The following ANKS1B variants were observed in gnomAD, a reference collection of about 807,000 sequenced individuals.
The protein encoded by ANKS1B is ankyrin repeat and sterile alpha motif domain containing 1B.
A neutral mutation model predicts 148.3 loss-of-function variants in ANKS1B; 36 were observed. The observed-to-expected ratio is 0.24, with a 90% CI of 0.19 to 0.32. The LOEUF (loss-of-function observed/expected upper bound fraction) is 0.32, where lower values mean the gene tolerates loss of function less well. Ranked by LOEUF, ANKS1B falls within the 10% of genes least tolerant of loss-of-function variation. The pLI is 1.00. For synonymous variants in ANKS1B, 542 were observed against 560.8 expected, an observed-to-expected ratio of 0.97 and a Z score of 0.47; for missense variants, 1,157 against 1,542.6, an observed-to-expected ratio of 0.75 and a Z score of 4.19.
intron 9 of ANKS1B, among the ~76,000 whole-genome samples, chr12:99,645,024 C>T (rs898871005): frequency 1.3e-5 from 2 of 152,182 alleles, no homozygotes; most frequent in Non-Finnish European, 2.9e-5. Flanking sequence ...AATTCAGATC[C>T]TAAACTGAAT....
intron 1 of ANKS1B, among the ~76,000 whole-genome samples, chr12:99,900,060 G>A (rs1018322689): frequency 1.3e-5 from 2 of 151,698 alleles, no homozygotes; most frequent in African/African-American, 2.4e-5. Context: ...CATCATGCCC[G>A]GCTAATTTTT....
In ANKS1B at chr12:99,504,584, C is replaced by G. The variant is rs1410328231; in HGVS notation, c.1330G>C (p.Asp444His). ...TTCTCATTTTCTGAAGGAAATGTAT[C>G]CAGAGAAGCAGATGGTACAATTTCC... ...TMEIVPSASL[D>H]TFPSENENFL... The change falls in exon 10 of 27, where the codon GAT (aspartate) becomes CAT (histidine). Residue 444 changes from aspartate (D) to histidine (H), a missense_variant. By Grantham distance (81) the Asp-to-His change is moderately conservative. Around this residue, in one of 6 missense-constraint regions of ANKS1B, gnomAD observed 661 missense variants for 642.1 expected, o/e 1.03. Transcript: ENST00000683438. The G allele has an allele frequency of 6.2e-7, 1 of 1,611,766 alleles. No homozygotes were observed. The highest frequency in any genetic ancestry group is 8.5e-7 in the Non-Finnish European group (1 of 1,178,852).
At chr12:99,074,610 C>T (rs2153598057) in intron 16 of ANKS1B, among the ~76,000 whole-genome samples, 1 of 152,290 alleles carries the variant, frequency 6.6e-6, no homozygotes, top group African/African-American at 2.4e-5. Flanking sequence ...GTAGAACAGA[C>T]TAGTTATTGG....
rs890212997 is a variant in ANKS1B at position 99,830,763 on chromosome 12, T to C, written c.135-5374A>G. Among the ~76,000 whole-genome samples, 5 of 152,294 alleles carry C rather than the reference T, an allele frequency of 3.3e-5. No individual in the cohort carries two copies. The South Asian group carries it at 1.0e-3, about 32-fold the overall frequency. On this transcript the variant is annotated intron_variant, in intron 1 of 26. Coordinates refer to ENST00000683438, the MANE Select transcript of ANKS1B (RefSeq NM_001352186.2). Reference sequence around the variant, plus strand: ...ACCATTTAGCAAAATTTAATCCACATGATTTGTTCTTGACTTCTCAAACCT... The same window carrying C: ...ACCATTTAGCAAAATTTAATCCACACGATTTGTTCTTGACTTCTCAAACCT...
chr12:99,903,583 G>A (rs1052543047), intron 1 of ANKS1B, among the ~76,000 whole-genome samples: 2 of 152,150 alleles, frequency 1.3e-5, no homozygotes, highest in African/African-American at 2.4e-5. Context: ...CATAATACAA[G>A]CCACATATGA....
intron 1 of ANKS1B, among the ~76,000 whole-genome samples, chr12:99,934,553 A>G (rs2094708857): frequency 6.6e-6 from 1 of 152,034 alleles, no homozygotes; most frequent in Admixed American, 6.6e-5. Flanking sequence ...TTTTTTTGGT[A>G]TATAGCTGCT....
chr12:99,605,742 A>C (rs759254087), intron 9 of ANKS1B, among the ~76,000 whole-genome samples: 1 of 152,144 alleles, frequency 6.6e-6, no homozygotes, highest in Non-Finnish European at 1.5e-5. Context: ...CCATTGATTG[A>C]CATTTCAGTT....
chr12:99,195,643 C>G (rs1424169943), intron 14 of ANKS1B, among the ~76,000 whole-genome samples: 1 of 151,876 alleles, frequency 6.6e-6, no homozygotes, highest in African/African-American at 2.4e-5. Context: ...AAAAGCTCAG[C>G]AGGAAACAGG....
intron 9 of ANKS1B, among the ~76,000 whole-genome samples, chr12:99,517,335 C>T (rs1318312685): frequency 6.6e-6 from 1 of 151,568 alleles, no homozygotes; most frequent in Non-Finnish European, 1.5e-5. Flanking sequence ...TATAGAAATG[C>T]TACTGATTTT....
chr12:99,649,385 C>T, intron 9 of ANKS1B: 1 of 1,613,372 alleles, frequency 6.2e-7, no homozygotes. Context: ...TGTGATTATA[C>T]AATAGAGATA....
rs183942064 is a variant in ANKS1B, at chr12:99,247,321, A to C, written c.1757-457T>G. Reference sequence around the variant, plus strand: ...CCCTCTGCCCTCCTCCCAGCAAATAAATTCAAAAACCAAATTTTGAAAAAA... The same window carrying C: ...CCCTCTGCCCTCCTCCCAGCAAATACATTCAAAAACCAAATTTTGAAAAAA... On this transcript the variant is annotated intron_variant, in intron 12 of 26. Transcript: ENST00000683438. 1.4e-3 allele frequency among the ~76,000 whole-genome samples: 216 copies of C among 152,300 alleles called. 1 individual carries two copies. The highest frequency in any genetic ancestry group is 4.9e-3 in the African/African-American group (202 of 41,552).
Position 99,220,611 on chromosome 12 carries a change from T to A in ANKS1B, c.2419+23731A>T, listed in dbSNP as rs544947758. ...ACAGGCACCCACCACCACCCCCGGC[T>A]AATTTTTTTGTATTTTTAGTAGAGA... On this transcript the variant is annotated intron_variant, in intron 14 of 26. Transcript: ENST00000683438. 4.6e-5 allele frequency among the ~76,000 whole-genome samples: 7 copies of A among 151,824 alleles called. 1 individual carries two copies. Among genetic ancestry groups the A allele is most frequent in the African/African-American group, 1.7e-4 (7 of 41,418 alleles).
intron 12 of ANKS1B, among the ~76,000 whole-genome samples, chr12:99,263,118 G>T (rs1175434649): frequency 6.6e-6 from 1 of 152,000 alleles, no homozygotes; most frequent in African/African-American, 2.4e-5. Flanking sequence ...TAGGTGAGGA[G>T]TTGAATGCTT....
At chr12:99,771,704 G>C (rs1338248029) in intron 8 of ANKS1B, among the ~76,000 whole-genome samples, 3 of 151,898 alleles carry the variant, frequency 2.0e-5, no homozygotes, top group Non-Finnish European at 2.9e-5. Flanking sequence ...ACTGTTCATA[G>C]TTATTCATAA....
At chr12:99,076,919 T>G (rs2153603460) in intron 16 of ANKS1B, among the ~76,000 whole-genome samples, 1 of 152,188 alleles carries the variant, frequency 6.6e-6, no homozygotes, top group East Asian at 1.9e-4. Context: ...CAGGGTTGAG[T>G]AACCACAATA....
intron 1 of ANKS1B, among the ~76,000 whole-genome samples, chr12:99,936,159 A>G (rs1226004671): frequency 6.6e-6 from 1 of 152,112 alleles, no homozygotes; most frequent in Non-Finnish European, 1.5e-5. Flanking sequence ...GAGGATTACA[A>G]TCCAAGGTGA....
intron 12 of ANKS1B, among the ~76,000 whole-genome samples, chr12:99,302,551 G>T (rs1003466545): frequency 3.9e-5 from 6 of 152,130 alleles, no homozygotes; most frequent in Admixed American, 2.6e-4. Flanking sequence ...GACAAGAAAC[G>T]AATGGGGGAT....
chr12:99,118,052 A>C (rs1342715835), intron 15 of ANKS1B, among the ~76,000 whole-genome samples: 1 of 152,180 alleles, frequency 6.6e-6, no homozygotes, highest in East Asian at 1.9e-4. Context: ...TATCCCCTTT[A>C]TCATTTATTT....
chr12:98,767,063 C>T (rs1226025453), intron 25 of ANKS1B, among the ~76,000 whole-genome samples: 5 of 151,700 alleles, frequency 3.3e-5, no homozygotes, highest in African/African-American at 4.9e-5. Flanking sequence ...AAGTGATCCT[C>T]CTGCCTCAGC....
Sources: allele counts gnomAD v4.1 joint callset (sites outside exome capture counted in the v4.1 genomes callset), GRCh38; gene constraint gnomAD v4.1.1; regional missense constraint gnomAD v4.1.1; transcripts MANE v1.5; gene names NCBI Gene and HGNC (gene_info 2026-07-23, HGNC 2026-07-21).